Variants in TASP1 observed in about 807,000 individuals in gnomAD.
TASP1 encodes taspase 1, also known as threonine aspartase 1.
TASP1 carries 16 observed loss-of-function variants against 56.6 expected under a neutral mutation model. That is an observed-to-expected ratio of 0.28 (90% CI 0.19 to 0.43). The LOEUF (loss-of-function observed/expected upper bound fraction) is 0.43. TASP1 is among the 20% of genes least tolerant of loss of function. The pLI is 1.00. For synonymous variants in TASP1, 179 were observed against 184.2 expected (o/e 0.97, Z 0.23); for missense variants, 393 against 511.6 (o/e 0.77, Z 2.24).
chr20:13,232,480 C>T, the TASP1 span, among the ~76,000 whole-genome samples: 1 of 152,168 alleles, frequency 6.6e-6, no homozygotes, highest in Non-Finnish European at 1.5e-5. Flanking sequence ...TAATTTGTTC[C>T]TTTTTATTAC....
chr20:13,309,897 CT>C, the TASP1 span, among the ~76,000 whole-genome samples: 1 of 152,048 alleles, frequency 6.6e-6, no homozygotes, highest in African/African-American at 2.4e-5. Flanking sequence ...GATGAAAGAT[CT>C]GTACACTGAA....
chr20:13,465,336 ACAAACCTAG>A (rs2044216854), intron 11 of TASP1, among the ~76,000 whole-genome samples: 1 of 152,074 alleles, frequency 6.6e-6, no homozygotes, highest in Non-Finnish European at 1.5e-5. Context: ...AGAAATAGTG[ACAAACCTAG>A]CAAAGATGTG....
chr20:13,455,020 A>G (rs1232991220), intron 11 of TASP1, among the ~76,000 whole-genome samples: 2 of 152,170 alleles, frequency 1.3e-5, no homozygotes, highest in Non-Finnish European at 2.9e-5. Flanking sequence ...ACACATGTCT[A>G]GGAGCCTTGG....
intron 8 of TASP1, among the ~76,000 whole-genome samples, chr20:13,543,943 G>A (rs924605682): frequency 4.6e-5 from 7 of 152,010 alleles, no homozygotes; most frequent in African/African-American, 7.2e-5. Context: ...GTACCATTTT[G>A]CACATCACTC....
the TASP1 span, among the ~76,000 whole-genome samples, chr20:13,250,083 C>A: frequency 0.03 from 4,590 of 152,212 alleles, 182 homozygotes; most frequent in East Asian, 0.18. Context: ...TGCATGTTCT[C>A]TTTTTCTACC....
intron 11 of TASP1, among the ~76,000 whole-genome samples, chr20:13,443,548 A>G (rs2043296582): frequency 6.6e-6 from 1 of 152,208 alleles, no homozygotes; most frequent in African/African-American, 2.4e-5. Flanking sequence ...TGTAACTGCT[A>G]TGGAATGAAA....
Position 13,598,314 on chromosome 20 carries a change from A to G in TASP1, c.283-10944T>C, listed in dbSNP as rs1177766531. 5.0e-4 allele frequency among the ~76,000 whole-genome samples: 76 copies of G among 152,258 alleles called. 1 individual carries two copies. Among genetic ancestry groups the G allele is most frequent in the African/African-American group, 1.8e-3 (74 of 41,570 alleles). On this transcript the variant is annotated intron_variant, in intron 4 of 13. Coordinates refer to ENST00000337743, the MANE Select transcript of TASP1 (RefSeq NM_017714.3). ...AAGGCTACAGTAACCAAAACAGCATAGTACTGGTACCAAAACAGATATATA... is the reference window on the plus strand; with the variant it reads ...AAGGCTACAGTAACCAAAACAGCATGGTACTGGTACCAAAACAGATATATA...
chr20:13,385,963 T>G (rs1387309378), downstream of TASP1, among the ~76,000 whole-genome samples: 1 of 152,164 alleles, frequency 6.6e-6, no homozygotes, highest in Non-Finnish European at 1.5e-5. Flanking sequence ...TGGGGGATAC[T>G]AAAACAGTGA....
Position 13,559,075 on chromosome 20 carries a change from AG to A in TASP1, c.607del (p.Leu203Ter). 6.3e-7 allele frequency: 1 copy of A among 1,589,196 alleles called. No individual in the cohort carries two copies. The highest frequency in any genetic ancestry group is 8.6e-7 in the Non-Finnish European group (1 of 1,166,960). On this transcript the variant is annotated frameshift_variant, in exon 8 of 14. Coordinates refer to ENST00000337743, the MANE Select transcript of TASP1 (RefSeq NM_017714.3). LOFTEE classifies it high-confidence loss of function. Reference protein sequence around the residue: ...LAAFKRNKRKLELAERVDTDF... With the variant: ...LAAFKRNKRKXELAERVDTDF... ...TGTGTCCACCCTTTCTGCCAGCTCT[AG>A]TTTCCTCTTGTTTCTTTTAAATGCA...
chr20:13,347,091 C>G, the TASP1 span, among the ~76,000 whole-genome samples: 3 of 152,200 alleles, frequency 2.0e-5, no homozygotes, highest in East Asian at 5.8e-4. Context: ...TAGCATGATC[C>G]TGAAATGACT....
chr20:13,335,546 CAG>C, the TASP1 span, among the ~76,000 whole-genome samples: 47 of 151,890 alleles, frequency 3.1e-4, 1 homozygote, highest in Non-Finnish European at 2.5e-4. Context: ...CAGCGATCTG[CAG>C]AGTCTCCAGC....
chr20:13,488,280 G>A (rs1407271306), intron 10 of TASP1, among the ~76,000 whole-genome samples: 2 of 151,466 alleles, frequency 1.3e-5, no homozygotes, highest in Non-Finnish European at 2.9e-5. Context: ...AAGGCAACAA[G>A]AAAATATTAA....
the TASP1 span, chr20:13,298,969 G>A: frequency 1.9e-6 from 3 of 1,613,476 alleles, no homozygotes; most frequent in African/African-American, 1.3e-5. Context: ...CGCTGGATGA[G>A]CTGCAAAAGC....
At chr20:13,148,733 C>G in the TASP1 span, among the ~76,000 whole-genome samples, 1 of 152,120 alleles carries the variant, frequency 6.6e-6, no homozygotes, top group African/African-American at 2.4e-5. Context: ...TTGTTAAAAC[C>G]AAAACTTATG....
At chr20:13,145,938 C>T in the TASP1 span, among the ~76,000 whole-genome samples, 2 of 152,140 alleles carry the variant, frequency 1.3e-5, no homozygotes, top group Non-Finnish European at 2.9e-5. Flanking sequence ...TAAATAGGGA[C>T]AAATATAAAT....
At chr20:13,323,190 T>C in the TASP1 span, among the ~76,000 whole-genome samples, 81 of 152,110 alleles carry the variant, frequency 5.3e-4, no homozygotes, top group Admixed American at 1.5e-3. Flanking sequence ...CTACAAAGAA[T>C]AAGAGAGTCG....
chr20:13,467,076 A>G (rs1312112484), intron 11 of TASP1, among the ~76,000 whole-genome samples: 1 of 152,110 alleles, frequency 6.6e-6, no homozygotes, highest in East Asian at 1.9e-4. Context: ...GGAAGCTGAA[A>G]AAGTAATACA....
chr20:13,216,927 G>A, the TASP1 span, among the ~76,000 whole-genome samples: 1 of 152,078 alleles, frequency 6.6e-6, no homozygotes, highest in South Asian at 2.1e-4. Context: ...ATATTCTATT[G>A]GCCAGAATTC....
rs1046957837 is a variant in TASP1 at position 13,558,905 on chromosome 20, C to A, written c.675+103G>T. The stretch of plus-strand genomic sequence containing the variant: ...AAAACTTTAAAGTACATATGTGACA[C>A]ACATTCTATTTCTACTGAATTGTAT... On this transcript the variant is annotated intron_variant, in intron 8 of 13. Coordinates refer to ENST00000337743, the MANE Select transcript of TASP1 (RefSeq NM_017714.3). 1.1e-5 allele frequency: 7 copies of A among 618,964 alleles called. No homozygotes were observed. In the African/African-American group the frequency reaches 1.3e-4, roughly 12 times the overall value. 38.3% of individuals were successfully genotyped at this position (618,964 alleles called of 1,614,324 possible).
Sources: allele counts gnomAD v4.1 joint callset (sites outside exome capture counted in the v4.1 genomes callset), GRCh38; gene constraint gnomAD v4.1.1; transcripts MANE v1.5; gene names NCBI Gene and HGNC (gene_info 2026-07-23, HGNC 2026-07-21).